Variants in NSD2 observed in about 807,000 individuals in gnomAD.
NSD2 encodes the protein nuclear receptor binding SET domain protein 2.
In NSD2, 12 loss-of-function variants were observed where a neutral mutation model predicts 139.0. The ratio of observed to expected loss-of-function variants is 0.09; its 90% CI spans 0.06 to 0.14. The LOEUF is 0.14. NSD2 is among the 10% of genes least tolerant of loss of function. The pLI, the probability that NSD2 is intolerant of heterozygous loss-of-function variation, is 1.00. For missense variants in NSD2, 1,155 were observed against 1,745.0 expected (o/e 0.66, Z 6.02); for synonymous variants, 669 against 648.7 (o/e 1.03, Z -0.48).
chr4:1,939,430 T>C (rs1036049476), intron 8 of NSD2: 23 of 564,200 alleles, frequency 4.1e-5, no homozygotes, highest in African/African-American at 3.8e-4. Flanking sequence ...TGGCCCCAGG[T>C]TGATGTTTTT....
intron 1 of NSD2, among the ~76,000 whole-genome samples, chr4:1,900,093 A>G (rs1716950926): frequency 6.6e-6 from 1 of 152,162 alleles, no homozygotes; most frequent in East Asian, 1.9e-4. Context: ...GACTTTGCTG[A>G]CCAGGTCATC....
At chr4:1,912,508 T>G (rs2108785053) in intron 3 of NSD2, among the ~76,000 whole-genome samples, 1 of 152,330 alleles carries the variant, frequency 6.6e-6, no homozygotes, top group African/African-American at 2.4e-5. Flanking sequence ...AATCATACAC[T>G]ATGTTGTCCA....
chr4:1,978,956 G>A lies in NSD2; in HGVS notation c.*47G>A, dbSNP rs761183817. On this transcript the variant is annotated 3_prime_UTR_variant, in exon 22 of 22. Transcript: ENST00000508803. ...GATCCAGGGGCGGTGCAGGGCGGCC[G>A]GCCCTGCCTGCGGGAGAGGGCGAGC... is the stretch of plus-strand genomic sequence containing the variant. 5.5e-6 allele frequency: 8 copies of A among 1,447,648 alleles called. No homozygotes were observed. The highest frequency in any genetic ancestry group is 5.6e-5 in the Admixed American group (2 of 35,712). The allele number at this position is 1,447,648 out of a possible 1,614,324, so 89.7% of individuals were successfully genotyped here.
chr4:1,938,572 G>A (rs1236918545), intron 8 of NSD2, 40 bp downstream of exon 8: 2 of 1,196,832 alleles, frequency 1.7e-6, no homozygotes, highest in Non-Finnish European at 1.2e-6. Context: ...GCTTCTGGGT[G>A]CCCAGGCTGG....
Position 1,952,122 on chromosome 4 carries a change from G to C in NSD2, c.2028G>C (p.Pro676=), listed in dbSNP as rs375609366. The stretch of plus-strand genomic sequence containing the variant: ...TGCCCCCGCAGCTGTGTGAGAAGCC[G>C]GGCAGCCTCCTGCTCTGTGAAGGAC... ...KEYVCQLCEK[P]GSLLLCEGPC... The change falls in exon 11 of 22, where the codon CCG becomes CCC. Residue 676 remains proline, a synonymous_variant. Coordinates refer to ENST00000508803, the MANE Select transcript of NSD2 (RefSeq NM_001042424.3). 10 of 1,613,986 alleles carry C rather than the reference G, an allele frequency of 6.2e-6. No individual in the cohort carries two copies. The highest frequency in any genetic ancestry group is 7.6e-6 in the Non-Finnish European group (9 of 1,179,952).
intron 5 of NSD2, among the ~76,000 whole-genome samples, chr4:1,925,778 T>TGTTTG (rs1365640395): frequency 1.5e-3 from 227 of 151,156 alleles, no homozygotes; most frequent in African/African-American, 5.4e-3. Context: ...ATATATTTTT[T>TGTTTG]TTTGTTTGTT....
intron 1 of NSD2, among the ~76,000 whole-genome samples, chr4:1,898,009 GC>G (rs1716593567): frequency 6.6e-6 from 1 of 151,984 alleles, no homozygotes; most frequent in Non-Finnish European, 1.5e-5. Flanking sequence ...AAATATTTTT[GC>G]CTTTTTTTTT....
intron 5 of NSD2, among the ~76,000 whole-genome samples, chr4:1,919,716 G>A (rs951950847): frequency 1.3e-5 from 2 of 152,062 alleles, no homozygotes; most frequent in African/African-American, 2.4e-5. Context: ...GGTGGATCAT[G>A]AGGTCAGGAA....
At position 1,944,565 on chromosome 4, in the gene NSD2, C is replaced by T. The variant is rs185494490; in HGVS notation, c.1881+4787C>T. On this transcript the variant is annotated intron_variant, in intron 9 of 21. Transcript: ENST00000508803. ...TGGCTCTCCAGTGTAAAACTTGAGG[C>T]ATTCACTAGAGGTGAAAACTTGTCA... The T allele has an allele frequency of 3.5e-5, 37 of 1,064,642 alleles. No homozygotes were observed. The African/African-American group carries it at 4.8e-4, about 14-fold the overall frequency. 65.9% of individuals were successfully genotyped at this position (1,064,642 alleles called of 1,614,324 possible). A position where few individuals can be genotyped will look rare whatever the true frequency, so the allele number is the denominator to read the frequency against.
At chr4:1,893,543 GTTT>G (rs774429583) in intron 1 of NSD2, among the ~76,000 whole-genome samples, 5 of 121,428 alleles carry the variant, frequency 4.1e-5, no homozygotes, top group Non-Finnish European at 5.6e-5. Context: ...TTTGTTTTTT[GTTT>G]TTTTTTTTTT....
intron 9 of NSD2, among the ~76,000 whole-genome samples, chr4:1,949,261 A>T (rs939654587): frequency 6.6e-6 from 1 of 152,258 alleles, no homozygotes; most frequent in African/African-American, 2.4e-5. Context: ...GCAGCCTCAC[A>T]GTGACAGAGC....
intron 5 of NSD2, among the ~76,000 whole-genome samples, chr4:1,920,375 G>A (rs1032692502): frequency 6.6e-6 from 1 of 152,016 alleles, no homozygotes; most frequent in Non-Finnish European, 1.5e-5. Flanking sequence ...ACTTGAACCG[G>A]GAGGCCACAG....
rs917323588 is a variant in NSD2 at position 1,971,143 on chromosome 4, G to A, written c.3373-3720G>A. Reference sequence around the variant, plus strand: ...GGAGGCTGAGGCGGGTGGATTGCTTGAGCTCTGGAGTTCGAGACCAGCCTG... The same window carrying A: ...GGAGGCTGAGGCGGGTGGATTGCTTAAGCTCTGGAGTTCGAGACCAGCCTG... On this transcript the variant is annotated intron_variant, in intron 18 of 21. Transcript: ENST00000508803. 9.7e-4 allele frequency among the ~76,000 whole-genome samples: 147 copies of A among 152,302 alleles called. 3 individuals carry two copies. Among genetic ancestry groups the A allele is most frequent in the Middle Eastern group, 3.4e-3 (1 of 294 alleles).
At chr4:1,899,489 C>G (rs1716881586) in intron 1 of NSD2, 1 of 152,270 alleles carries the variant, frequency 6.6e-6, no homozygotes, top group Non-Finnish European at 1.5e-5. Context: ...TTGAGAACCG[C>G]TGTTCTAGTC....
chr4:1,944,444 G>C, intron 9 of NSD2: 1 of 1,065,248 alleles, frequency 9.4e-7, no homozygotes, highest in Non-Finnish European at 1.1e-6. Context: ...GGTTGTTGAG[G>C]TGAATTTTGT....
intron 20 of NSD2, 51 bp downstream of exon 20, chr4:1,975,451 A>G: frequency 6.5e-7 from 1 of 1,529,696 alleles, no homozygotes; most frequent in East Asian, 2.3e-5. Context: ...GGCATTTTGC[A>G]CTCCTGGAGA....
Position 1,981,200 on chromosome 4 carries a change from C to G in NSD2, c.*2291C>G. 4.3e-6 allele frequency: 1 copy of G among 233,266 alleles called. No homozygotes were observed. Among genetic ancestry groups the G allele is most frequent in the Non-Finnish European group, 8.5e-6 (1 of 118,044 alleles). The allele number at this position is 233,266 out of a possible 1,614,324, so 14.4% of individuals were successfully genotyped here. ...CAAACATTTTAAATATGTTTCTCCC[C>G]CTTTCCAAAAACTGTTAAACTAATG... On this transcript the variant is annotated 3_prime_UTR_variant, in exon 22 of 22. Coordinates refer to ENST00000508803, the MANE Select transcript of NSD2 (RefSeq NM_001042424.3).
At position 1,955,756 on chromosome 4, in the gene NSD2, A is replaced by G. The variant is rs1309496969; in HGVS notation, c.2582A>G (p.Glu861Gly). 6.2e-7 allele frequency: 1 copy of G among 1,614,146 alleles called. No individual in the cohort carries two copies. The highest frequency in any genetic ancestry group is 1.7e-5 in the Admixed American group (1 of 60,002). Residue 861 changes from glutamate to glycine, a missense_variant, in exon 14 of 22, where the codon GAG (glutamate) becomes GGG (glycine). Around this residue, in one of 8 missense-constraint regions of NSD2, gnomAD observed 139 missense variants for 485.8 expected, o/e 0.29. Coordinates refer to ENST00000508803, the MANE Select transcript of NSD2 (RefSeq NM_001042424.3). This position sits in a 1 kb window ranked among gnomAD's most constrained non-coding sequence, Gnocchi z 4.7. ...AAFHPDCLNI[E>G]MPDGSWFCND... ...TTCCACCCTGACTGCCTGAACATCG[A>G]GATGCCTGACGGCAGCTGGTTCTGC...
chr4:1,925,459 C>T (rs1298833959), intron 5 of NSD2, among the ~76,000 whole-genome samples: 6 of 127,244 alleles, frequency 4.7e-5, no homozygotes, highest in East Asian at 2.4e-4. Context: ...AGTGCGAAGG[C>T]GCCACCTCGG....
Sources: gnomAD v4.1 joint callset for allele counts (sites outside exome capture counted in the v4.1 genomes callset) on GRCh38, gnomAD v4.1.1 for gene constraint, gnomAD v4.1.1 regional missense constraint, Gnocchi (gnomAD v3.1) non-coding constraint, MANE v1.5 for transcripts, NCBI Gene and HGNC (gene_info 2026-07-23, HGNC 2026-07-21) for gene names.